Variants in GULP1 observed in about 807,000 individuals in gnomAD.
The protein encoded by GULP1 is GULP PTB domain containing engulfment adaptor 1.
In GULP1, 19 loss-of-function variants were observed where a neutral mutation model predicts 40.9. The ratio of observed to expected loss-of-function variants is 0.46; its 90% CI spans 0.32 to 0.68. The LOEUF (loss-of-function observed/expected upper bound fraction) is 0.68, where lower values mean the gene tolerates loss of function less well. Ranked by LOEUF, GULP1 falls within the 30% of genes least tolerant of loss-of-function variation. The pLI is 0.03. For missense variants in GULP1, 312 were observed against 362.2 expected (o/e 0.86, Z 1.12); for synonymous variants, 119 against 117.6 (o/e 1.01, Z -0.08).
chr2:188,325,105 A>C (rs1383425789), intron 1 of GULP1, among the ~76,000 whole-genome samples: 1 of 152,038 alleles, frequency 6.6e-6, no homozygotes, highest in Non-Finnish European at 1.5e-5. Flanking sequence ...TATTGGTGCT[A>C]AATGAAGCTA....
At chr2:188,322,942 T>G (rs913673044) in intron 1 of GULP1, among the ~76,000 whole-genome samples, 1 of 152,136 alleles carries the variant, frequency 6.6e-6, no homozygotes. Context: ...CAAGACCTCT[T>G]TATCTTTACC....
At chr2:188,309,677 G>GA (rs1300656274) in intron 1 of GULP1, among the ~76,000 whole-genome samples, 2 of 151,898 alleles carry the variant, frequency 1.3e-5, no homozygotes, top group East Asian at 1.9e-4. Context: ...GACATTGAGA[G>GA]AAAAAAAATT....
At chr2:188,568,029 CT>C (rs1332370846) in intron 7 of GULP1, among the ~76,000 whole-genome samples, 2 of 151,338 alleles carry the variant, frequency 1.3e-5, no homozygotes, top group Non-Finnish European at 3.0e-5. Flanking sequence ...TGTCTTTTTT[CT>C]TTTCTTTTGT....
chr2:188,356,817 A>G lies in GULP1; in HGVS notation c.-171-26946A>G, dbSNP rs542794219. 2.6e-5 allele frequency among the ~76,000 whole-genome samples: 4 copies of G among 152,238 alleles called. No individual in the cohort carries two copies. In the South Asian group the frequency reaches 8.3e-4, roughly 32 times the overall value. Reference sequence around the variant, plus strand: ...CTAATGACTTCAAAATATACTATGAAGTGCTGGTAAGCCAAACAGCATGGT... The same window carrying G: ...CTAATGACTTCAAAATATACTATGAGGTGCTGGTAAGCCAAACAGCATGGT... On this transcript the variant is annotated intron_variant, in intron 1 of 11. Coordinates refer to ENST00000409830, the MANE Select transcript of GULP1 (RefSeq NM_016315.4).
At chr2:188,570,706 C>T (rs1251065824) in intron 9 of GULP1, among the ~76,000 whole-genome samples, 1 of 152,076 alleles carries the variant, frequency 6.6e-6, no homozygotes, top group Non-Finnish European at 1.5e-5. Context: ...ATCATTATTA[C>T]ATGATTTTGG....
At chr2:188,537,734 T>G (rs1040881352) in intron 6 of GULP1, among the ~76,000 whole-genome samples, 1 of 152,072 alleles carries the variant, frequency 6.6e-6, no homozygotes, top group African/African-American at 2.4e-5. Flanking sequence ...CTCCTCAGTT[T>G]TTTGGGAATG....
At chr2:188,593,596 TTAA>T (rs914531545) in intron 11 of GULP1, 2 of 155,788 alleles carry the variant, frequency 1.3e-5, no homozygotes, top group African/African-American at 4.8e-5. Flanking sequence ...AATATTTAAA[TTAA>T]TAATAATTTT....
At chr2:188,568,859 T>C (rs1698405092) in intron 7 of GULP1, among the ~76,000 whole-genome samples, 1 of 152,146 alleles carries the variant, frequency 6.6e-6, no homozygotes, top group South Asian at 2.1e-4. Flanking sequence ...AGAAACTACA[T>C]TTGGCACTCT....
At chr2:188,502,006 T>A (rs1401012943) in intron 4 of GULP1, among the ~76,000 whole-genome samples, 2 of 151,960 alleles carry the variant, frequency 1.3e-5, no homozygotes, top group Non-Finnish European at 2.9e-5. Context: ...TTAATTTTTT[T>A]AATGCCTTAA....
At chr2:188,504,292 T>C (rs1478249950) in intron 4 of GULP1, among the ~76,000 whole-genome samples, 2 of 151,826 alleles carry the variant, frequency 1.3e-5, no homozygotes, top group Admixed American at 1.3e-4. Context: ...ACTGTAGAAA[T>C]TCATTGGGAC....
At chr2:188,345,910 CTCTG>C (rs1463366224) in intron 1 of GULP1, among the ~76,000 whole-genome samples, 1 of 152,194 alleles carries the variant, frequency 6.6e-6, no homozygotes, top group Non-Finnish European at 1.5e-5. Context: ...GAATGTGTCA[CTCTG>C]TCTGATGTTA....
intron 4 of GULP1, among the ~76,000 whole-genome samples, chr2:188,487,641 G>A (rs1414911808): frequency 1.3e-5 from 1 of 76,992 alleles, no homozygotes; most frequent in African/African-American, 4.5e-5. Flanking sequence ...GAAATATAAC[G>A]CATTCCTTGC....
chr2:188,304,550 C>G (rs2036715825), intron 1 of GULP1, among the ~76,000 whole-genome samples: 1 of 152,192 alleles, frequency 6.6e-6, no homozygotes, highest in East Asian at 1.9e-4. Flanking sequence ...AACCACCATA[C>G]TAGCTGAAAA....
Position 188,382,609 on chromosome 2 carries a change from G to A in GULP1, c.-171-1154G>A, listed in dbSNP as rs146358352. ...TTAGAATATGAAAAAGAAGCTGGGC[G>A]CGGTAGCTCACACCTGTAATCCACC... On this transcript the variant is annotated intron_variant, in intron 1 of 11. Coordinates refer to ENST00000409830, the MANE Select transcript of GULP1 (RefSeq NM_016315.4). 4.7e-4 allele frequency among the ~76,000 whole-genome samples: 72 copies of A among 152,272 alleles called. 1 individual carries two copies. Among genetic ancestry groups the A allele is most frequent in the African/African-American group, 8.9e-4 (37 of 41,550 alleles).
intron 2 of GULP1, among the ~76,000 whole-genome samples, chr2:188,434,875 T>C (rs1383147120): frequency 6.6e-6 from 1 of 152,008 alleles, no homozygotes; most frequent in East Asian, 1.9e-4. Flanking sequence ...GTAGGGATGT[T>C]ATTTTCTCCT....
intron 2 of GULP1, among the ~76,000 whole-genome samples, chr2:188,410,020 A>C (rs189619903): frequency 7.2e-5 from 11 of 152,282 alleles, no homozygotes; most frequent in Non-Finnish European, 1.3e-4. Flanking sequence ...AAGCAGGATA[A>C]AGTGCCCAGA....
intron 11 of GULP1, chr2:188,589,332 T>C (rs1703041541): frequency 1.3e-5 from 2 of 153,492 alleles, no homozygotes; most frequent in Non-Finnish European, 2.9e-5. Flanking sequence ...GCTATGAAAC[T>C]TTCAAATGGC....
chr2:188,387,519 C>A (rs1559179860), intron 2 of GULP1, among the ~76,000 whole-genome samples: 1 of 151,980 alleles, frequency 6.6e-6, no homozygotes, highest in Non-Finnish European at 1.5e-5. Context: ...TATTAAGTGA[C>A]AAGAAAGAAG....
At chr2:188,574,302 T>C (rs1699736574) in intron 9 of GULP1, among the ~76,000 whole-genome samples, 1 of 152,116 alleles carries the variant, frequency 6.6e-6, no homozygotes, top group South Asian at 2.1e-4. Flanking sequence ...TGAAGCCAGA[T>C]GTGGCAAGCA....
Sources: gnomAD v4.1 joint callset for allele counts (sites outside exome capture counted in the v4.1 genomes callset) on GRCh38, gnomAD v4.1.1 for gene constraint, MANE v1.5 for transcripts, NCBI Gene and HGNC (gene_info 2026-07-23, HGNC 2026-07-21) for gene names.